The following ITGAL variants were observed in gnomAD, a reference collection of about 807,000 sequenced individuals.
The protein encoded by ITGAL is integrin subunit alpha L.
In ITGAL, 68 loss-of-function variants were observed where a neutral mutation model predicts 138.4. The ratio of observed to expected loss-of-function variants is 0.49; its 90% CI spans 0.40 to 0.60. The LOEUF (loss-of-function observed/expected upper bound fraction) is 0.60, where lower values mean the gene tolerates loss of function less well. ITGAL is among the 20% of genes least tolerant of loss of function. The pLI is 0.00. For missense variants in ITGAL, 1,256 were observed against 1,478.6 expected (o/e 0.85, Z 2.47); for synonymous variants, 561 against 584.3 (o/e 0.96, Z 0.57).
At chr16:30,473,530 G>C (rs534061873) in intron 1 of ITGAL, among the ~76,000 whole-genome samples, 1 of 152,320 alleles carries the variant, frequency 6.6e-6, no homozygotes, top group Admixed American at 6.5e-5. Flanking sequence ...TTTTAGGCAA[G>C]TCCTTTCCCC....
At chr16:30,502,475 G>C (rs1291716601) in intron 17 of ITGAL, among the ~76,000 whole-genome samples, 1 of 151,536 alleles carries the variant, frequency 6.6e-6, no homozygotes, top group Non-Finnish European at 1.5e-5. Flanking sequence ...GGCCAGGCAT[G>C]GTGGCTCATG....
At chr16:30,498,093 G>A (rs530180908) in intron 15 of ITGAL, among the ~76,000 whole-genome samples, 1 of 151,998 alleles carries the variant, frequency 6.6e-6, no homozygotes, top group South Asian at 2.1e-4. Context: ...CATCTTCAAT[G>A]GGAGGCACGG....
At chr16:30,505,346 C>T (rs1458049293) in intron 19 of ITGAL, 43 bp from the exon 20 acceptor site, 3 of 1,613,022 alleles carry the variant, frequency 1.9e-6, no homozygotes, top group African/African-American at 2.7e-5. Flanking sequence ...GAACAAGTCC[C>T]TCCTGATCTG....
rs1488007600 is a variant in ITGAL, at chr16:30,483,966, C to T, written c.855+7C>T. On this transcript the variant is annotated splice_region_variant and intron_variant, in intron 8 of 30. Coordinates refer to ENST00000356798, the MANE Select transcript of ITGAL (RefSeq NM_002209.3). ...CATCCGCTACATCATCGGGGTAGGG[C>T]CCCTGCTGCTTCCTGCATCATATCT... The T allele has an allele frequency of 3.1e-6, 5 of 1,609,450 alleles. No individual in the cohort carries two copies. The Admixed American group carries it at 5.0e-5, about 16-fold the overall frequency.
chr16:30,484,042 CTT>C, intron 8 of ITGAL, 69 bp from the exon 9 acceptor site: 2 of 1,594,646 alleles, frequency 1.3e-6, no homozygotes, highest in Non-Finnish European at 1.7e-6. Context: ...GGGCCAGACT[CTT>C]GTGAAAATAA....
rs1354273373 is a variant in ITGAL at position 30,505,773 on chromosome 16, A to G, written c.2366+311A>G. On this transcript the variant is annotated intron_variant, in intron 20 of 30. Coordinates refer to ENST00000356798, the MANE Select transcript of ITGAL (RefSeq NM_002209.3). ...GTGGCTCATGCCTGTATTCCCAGCT[A>G]CTTGGGAGATTGAGGCAGAGGATGG... 2.0e-5 allele frequency among the ~76,000 whole-genome samples: 3 copies of G among 152,170 alleles called. No homozygotes were observed. The East Asian group carries it at 5.8e-4, about 29-fold the overall frequency.
intron 21 of ITGAL, among the ~76,000 whole-genome samples, chr16:30,507,234 C>T (rs1313727286): frequency 2.0e-5 from 3 of 151,420 alleles, no homozygotes; most frequent in Non-Finnish European, 1.5e-5. Context: ...CCGAGGCGGG[C>T]GGATCACGAG....
Position 30,484,098 on chromosome 16 carries a change from T to C in ITGAL, c.856-15T>C, listed in dbSNP as rs745984406. 6.2e-7 allele frequency: 1 copy of C among 1,611,156 alleles called. No homozygotes were observed. The highest frequency in any genetic ancestry group is 1.3e-5 in the African/African-American group (1 of 74,826). On this transcript the variant is annotated splice_polypyrimidine_tract_variant and intron_variant, in intron 8 of 30. Coordinates refer to ENST00000356798, the MANE Select transcript of ITGAL (RefSeq NM_002209.3). ...TTTGGGGGATTTCAGCTCTTCACTC[T>C]CCACTCCCTCACAGATTGGAAAGCA...
rs776516507 is a variant in ITGAL at position 30,506,870 on chromosome 16, C to G, written c.2508+14C>G. On this transcript the variant is annotated intron_variant, in intron 21 of 30. Transcript: ENST00000356798. ...GAGATGCTGAAGGTGGGTGAGAGGA[C>G]AGCGCCTGCCTGCGGGCATCTGTTC... 4.3e-6 allele frequency: 7 copies of G among 1,613,136 alleles called. No homozygotes were observed. The African/African-American group carries it at 9.3e-5, about 22-fold the overall frequency.
chr16:30,509,551 A>G (rs1255344046), intron 21 of ITGAL: 1 of 152,034 alleles, frequency 6.6e-6, no homozygotes, highest in Non-Finnish European at 1.5e-5. Flanking sequence ...GTTTTTCAGT[A>G]TTATAAATAG....
chr16:30,512,373 G>A (rs1157585374), intron 24 of ITGAL, among the ~76,000 whole-genome samples: 6 of 152,074 alleles, frequency 3.9e-5, no homozygotes, highest in Non-Finnish European at 8.8e-5. Flanking sequence ...GATCACTTGA[G>A]GTCAGTAGTT....
intron 28 of ITGAL, among the ~76,000 whole-genome samples, 159 bp from the exon 29 acceptor site, chr16:30,518,464 AT>A (rs2051203406): frequency 6.6e-6 from 1 of 151,310 alleles, no homozygotes; most frequent in African/African-American, 2.4e-5. Context: ...AAAAAAAAAA[AT>A]AGAAAGAAAA....
chr16:30,501,368 C>A (rs996009770), intron 17 of ITGAL, among the ~76,000 whole-genome samples: 29 of 151,858 alleles, frequency 1.9e-4, no homozygotes, highest in African/African-American at 7.0e-4. Context: ...CTGAGATTGG[C>A]AGTCCAAGAC....
Position 30,499,019 on chromosome 16 carries a change from G to A in ITGAL, c.1833-55G>A, listed in dbSNP as rs932204700. ...TTGCTGGCGGGAGCCCCACATCTGA[G>A]GGGGGACGTGCAGTTGGGTTGGAGG... On this transcript the variant is annotated intron_variant, in intron 15 of 30. Coordinates refer to ENST00000356798, the MANE Select transcript of ITGAL (RefSeq NM_002209.3). 9 of 1,565,720 alleles carry A rather than the reference G, an allele frequency of 5.7e-6. No individual in the cohort carries two copies. The African/African-American group carries it at 9.4e-5, about 16-fold the overall frequency.
chr16:30,485,400 T>G (rs549891803), intron 9 of ITGAL, among the ~76,000 whole-genome samples: 2 of 144,866 alleles, frequency 1.4e-5, no homozygotes, highest in Admixed American at 7.2e-5. Context: ...CTAATTTTTG[T>G]ATTTTTAGTA....
intron 15 of ITGAL, chr16:30,498,833 C>T (rs574987290): frequency 6.0e-5 from 24 of 402,058 alleles, no homozygotes; most frequent in Non-Finnish European, 1.0e-4. Context: ...CCTGGGAGGC[C>T]GAGGCTGTAG....
intron 29 of ITGAL, 46 bp downstream of exon 29, chr16:30,518,765 G>T (rs1567493132): frequency 2.8e-6 from 4 of 1,423,514 alleles, no homozygotes; most frequent in East Asian, 2.3e-5. Context: ...AACAGAGGGA[G>T]CCCAGGAGCC....
At chr16:30,488,882 C>T in intron 9 of ITGAL, 200 bp from the exon 10 acceptor site, 1 of 572,528 alleles carries the variant, frequency 1.7e-6, no homozygotes. Context: ...GTTTCAACAA[C>T]AAAAAACAAA....
At chr16:30,505,138 G>A (rs1307639875) in intron 18 of ITGAL, 106 bp from the exon 19 acceptor site, 2 of 1,158,180 alleles carry the variant, frequency 1.7e-6, no homozygotes, top group African/African-American at 3.1e-5. Flanking sequence ...GCCAACCACA[G>A]CCAGCCCAGT....
Sources: allele counts gnomAD v4.1 joint callset (sites outside exome capture counted in the v4.1 genomes callset), GRCh38; gene constraint gnomAD v4.1.1; transcripts MANE v1.5; gene names NCBI Gene and HGNC (gene_info 2026-07-23, HGNC 2026-07-21).